The following PIP5K1B variants were observed in gnomAD, a reference collection of about 807,000 sequenced individuals.
PIP5K1B encodes the protein phosphatidylinositol-4-phosphate 5-kinase type 1 beta, also known as phosphatidylinositol 4-phosphate 5-kinase type-1 beta.
PIP5K1B carries 42 observed loss-of-function variants against 67.0 expected under a neutral mutation model. The ratio of observed to expected loss-of-function variants is 0.63; its 90% CI spans 0.49 to 0.81. The LOEUF is 0.81. Ranked by LOEUF, PIP5K1B falls within the 30% of genes least tolerant of loss-of-function variation. PIP5K1B has a pLI of 0.00. For missense variants in PIP5K1B, 459 were observed against 646.3 expected (o/e 0.71, Z 3.14); for synonymous variants, 214 against 231.4 (o/e 0.92, Z 0.68).
At chr9:68,847,909 G>T (rs975609573) in intron 4 of PIP5K1B, among the ~76,000 whole-genome samples, 4 of 152,148 alleles carry the variant, frequency 2.6e-5, no homozygotes, top group Non-Finnish European at 5.9e-5. Flanking sequence ...ATTTTAGCTG[G>T]GCCTGTGCTA....
chr9:68,986,589 A>G (rs1031273017), intron 14 of PIP5K1B, among the ~76,000 whole-genome samples: 5 of 152,176 alleles, frequency 3.3e-5, no homozygotes, highest in Non-Finnish European at 7.3e-5. Context: ...TATAAATAAC[A>G]ACGTTTTAAA....
At chr9:68,775,590 C>G (rs949105006) in intron 2 of PIP5K1B, among the ~76,000 whole-genome samples, 9 of 152,290 alleles carry the variant, frequency 5.9e-5, no homozygotes, top group Middle Eastern at 6.8e-3. Context: ...AGTGCGACGG[C>G]ACCAGATTTC....
intron 14 of PIP5K1B, among the ~76,000 whole-genome samples, chr9:68,959,242 G>A (rs956304338): frequency 6.6e-6 from 1 of 152,110 alleles, no homozygotes; most frequent in African/African-American, 2.4e-5. Flanking sequence ...TAATGCCTCT[G>A]TAAACCCCAT....
chr9:69,002,005 C>T (rs902733748), intron 15 of PIP5K1B, among the ~76,000 whole-genome samples: 6 of 152,196 alleles, frequency 3.9e-5, no homozygotes, highest in African/African-American at 1.4e-4. Flanking sequence ...TCCCAGGAGA[C>T]GGCACAGACG....
intron 1 of PIP5K1B, among the ~76,000 whole-genome samples, chr9:68,729,544 T>G (rs536353677): frequency 6.6e-6 from 1 of 152,282 alleles, no homozygotes; most frequent in Admixed American, 6.5e-5. Context: ...AAAGGGAACA[T>G]ATCTATATCT....
intron 8 of PIP5K1B, among the ~76,000 whole-genome samples, chr9:68,915,291 A>G (rs573194351): frequency 6.6e-6 from 1 of 151,880 alleles, no homozygotes; most frequent in African/African-American, 2.4e-5. Context: ...GCATCTGCAA[A>G]TGGTCATTCA....
At chr9:68,804,999 G>A (rs1211715979) in intron 2 of PIP5K1B, among the ~76,000 whole-genome samples, 1 of 152,234 alleles carries the variant, frequency 6.6e-6, no homozygotes, top group Non-Finnish European at 1.5e-5. Context: ...GGTCCAGAAT[G>A]CAAGTGCGTT....
chr9:68,727,327 T>G (rs577348692), intron 1 of PIP5K1B, among the ~76,000 whole-genome samples: 14 of 152,316 alleles, frequency 9.2e-5, no homozygotes, highest in Non-Finnish European at 1.5e-4. Context: ...TTGATCACTC[T>G]CACGAAGTCT....
At chr9:68,780,649 A>G in intron 2 of PIP5K1B, 2 of 1,614,202 alleles carry the variant, frequency 1.2e-6, no homozygotes, top group Non-Finnish European at 1.7e-6. Context: ...CCATCCTTGC[A>G]AAGTTTTGTA....
intron 6 of PIP5K1B, among the ~76,000 whole-genome samples, chr9:68,884,171 G>C (rs1316614435): frequency 6.6e-6 from 1 of 152,044 alleles, no homozygotes; most frequent in Non-Finnish European, 1.5e-5. Context: ...AAACTAAAAA[G>C]CTTCTGCACT....
chr9:68,912,801 G>T (rs145844693), intron 8 of PIP5K1B, among the ~76,000 whole-genome samples: 1 of 152,110 alleles, frequency 6.6e-6, no homozygotes. Flanking sequence ...AGTGTGATGT[G>T]GTGTTAAAGA....
At chr9:68,823,594 G>A (rs1415074366) in intron 4 of PIP5K1B, among the ~76,000 whole-genome samples, 1 of 152,108 alleles carries the variant, frequency 6.6e-6, no homozygotes, top group Non-Finnish European at 1.5e-5. Context: ...TCGACTCCCA[G>A]CTACCAAGCT....
chr9:68,854,213 C>CT (rs1822652631), intron 4 of PIP5K1B, among the ~76,000 whole-genome samples: 1 of 150,232 alleles, frequency 6.7e-6, no homozygotes, highest in African/African-American at 2.5e-5. Context: ...TCGCTACAAC[C>CT]TTTACCTCCT....
chr9:68,809,165 G>C (rs979558424), intron 2 of PIP5K1B, among the ~76,000 whole-genome samples: 1 of 152,034 alleles, frequency 6.6e-6, no homozygotes, highest in Non-Finnish European at 1.5e-5. Flanking sequence ...GAAAAATACA[G>C]GCATTTCTGC....
intron 4 of PIP5K1B, among the ~76,000 whole-genome samples, chr9:68,833,463 C>T (rs1401401733): frequency 1.3e-5 from 2 of 152,182 alleles, no homozygotes; most frequent in East Asian, 3.8e-4. Flanking sequence ...GTGACAGCAG[C>T]GGTTCCCAAT....
At chr9:68,987,654 C>G (rs1312388943) in intron 14 of PIP5K1B, among the ~76,000 whole-genome samples, 1 of 151,948 alleles carries the variant, frequency 6.6e-6, no homozygotes, top group Non-Finnish European at 1.5e-5. Context: ...AAAGACATAC[C>G]CGAGACTGGG....
chr9:68,736,611 G>A (rs1037960777), intron 1 of PIP5K1B, among the ~76,000 whole-genome samples: 22 of 152,258 alleles, frequency 1.4e-4, no homozygotes, highest in African/African-American at 5.1e-4. Flanking sequence ...CCATTTCCTT[G>A]CTTCTTCCAT....
chr9:68,801,548 C>T (rs1039551144), intron 2 of PIP5K1B, among the ~76,000 whole-genome samples: 7 of 151,982 alleles, frequency 4.6e-5, no homozygotes, highest in South Asian at 2.1e-4. Context: ...GGATTTTTTT[C>T]GTACTTTCAA....
intron 14 of PIP5K1B, among the ~76,000 whole-genome samples, chr9:68,986,944 G>A (rs1367605931): frequency 1.3e-5 from 2 of 152,008 alleles, no homozygotes; most frequent in Non-Finnish European, 2.9e-5. Flanking sequence ...TGCATGTAGC[G>A]TCATTTAAAA....
Sources: allele counts gnomAD v4.1 joint callset (sites outside exome capture counted in the v4.1 genomes callset), GRCh38; gene constraint gnomAD v4.1.1; transcripts MANE v1.5; gene names NCBI Gene and HGNC (gene_info 2026-07-23, HGNC 2026-07-21).